Variants in MRTFB observed in about 807,000 individuals in gnomAD.
MRTFB encodes myocardin-related transcription factor B.
MRTFB carries 29 observed loss-of-function variants against 104.2 expected under a neutral mutation model. That is an observed-to-expected ratio of 0.28 (90% CI 0.21 to 0.38). The LOEUF (loss-of-function observed/expected upper bound fraction) is 0.38. Ranked by LOEUF, MRTFB falls within the 10% of genes least tolerant of loss-of-function variation. The probability of loss-of-function intolerance (pLI) is 1.00; values close to 1 mark genes in which losing one functional copy is unlikely to be tolerated. For synonymous variants in MRTFB, 535 were observed against 519.5 expected, an observed-to-expected ratio of 1.03 and a Z score of -0.41; for missense variants, 1,270 against 1,341.6, an observed-to-expected ratio of 0.95 and a Z score of 0.83.
At chr16:14,232,507 T>C (rs575169656) in intron 8 of MRTFB, among the ~76,000 whole-genome samples, 2 of 152,326 alleles carry the variant, frequency 1.3e-5, no homozygotes, top group Non-Finnish European at 2.9e-5. Context: ...AGATGAGCCC[T>C]TTCCCTTCAT....
intron 3 of MRTFB, chr16:14,149,574 C>T (rs768465308): frequency 1.6e-4 from 24 of 152,236 alleles, no homozygotes; most frequent in Admixed American, 1.3e-4. Flanking sequence ...CAGAATACTC[C>T]GCTCTCCCAA....
intron 8 of MRTFB, among the ~76,000 whole-genome samples, chr16:14,220,275 A>C (rs1479057066): frequency 6.6e-6 from 1 of 152,220 alleles, no homozygotes; most frequent in African/African-American, 2.4e-5. Context: ...TCAAGTATGC[A>C]AGTAGATACC....
chr16:14,004,467 G>A, the MRTFB span, among the ~76,000 whole-genome samples: 1 of 152,196 alleles, frequency 6.6e-6, no homozygotes, highest in Non-Finnish European at 1.5e-5. Context: ...TGGAAGTGGC[G>A]TAAAGAAGGC....
chr16:14,140,864 C>G (rs1488218703), intron 3 of MRTFB, 104 bp downstream of exon 3: 1 of 1,342,476 alleles, frequency 7.4e-7, no homozygotes, highest in Non-Finnish European at 1.0e-6. Context: ...GTTCAGCAGT[C>G]TGTCATGGAG....
chr16:14,121,774 T>A (rs1233216506), intron 2 of MRTFB, among the ~76,000 whole-genome samples: 2 of 152,232 alleles, frequency 1.3e-5, no homozygotes, highest in Admixed American at 1.3e-4. Flanking sequence ...CATAGAGTTT[T>A]CTGCAATGAT....
chr16:14,016,157 G>A, the MRTFB span: 7,949 of 394,308 alleles, frequency 0.02, 129 homozygotes, highest in Non-Finnish European at 0.027. Context: ...TGACTCATAG[G>A]AATGCTGTTA....
the MRTFB span, among the ~76,000 whole-genome samples, chr16:14,002,692 G>A: frequency 2.6e-5 from 4 of 152,114 alleles, no homozygotes; most frequent in South Asian, 2.1e-4. Context: ...CCCCAAGCCT[G>A]CAGGAGAGAT....
At chr16:14,075,454 G>A (rs528233875) in intron 1 of MRTFB, among the ~76,000 whole-genome samples, 5 of 152,366 alleles carry the variant, frequency 3.3e-5, no homozygotes, top group East Asian at 1.9e-4. Flanking sequence ...GGCAATGCAC[G>A]TGAACATATA....
chr16:14,186,049 G>A (rs1236866799), intron 3 of MRTFB, among the ~76,000 whole-genome samples: 1 of 152,114 alleles, frequency 6.6e-6, no homozygotes, highest in Non-Finnish European at 1.5e-5. Flanking sequence ...TTAATGCATG[G>A]GGGGAGAATT....
At chr16:14,181,863 T>C (rs4500749) in intron 3 of MRTFB, among the ~76,000 whole-genome samples, 17,219 of 152,222 alleles carry the variant, frequency 0.11, 2,232 homozygotes, top group African/African-American at 0.32. Context: ...CTCTAAGCCA[T>C]ACAGTTTTTC....
intron 11 of MRTFB, among the ~76,000 whole-genome samples, chr16:14,246,007 A>G (rs963670743): frequency 2.0e-5 from 3 of 152,108 alleles, no homozygotes; most frequent in South Asian, 2.1e-4. Context: ...TTAGGTTTCT[A>G]CCACAGCTCA....
chr16:14,132,871 A>G (rs986216169), intron 2 of MRTFB, among the ~76,000 whole-genome samples: 1 of 152,178 alleles, frequency 6.6e-6, no homozygotes, highest in African/African-American at 2.4e-5. Flanking sequence ...TGTTCTGACT[A>G]ACTGAGTTGT....
chr16:14,077,315 A>G (rs1481093031), intron 1 of MRTFB, among the ~76,000 whole-genome samples: 2 of 152,004 alleles, frequency 1.3e-5, no homozygotes, highest in East Asian at 3.9e-4. Flanking sequence ...TCCTTTTTCC[A>G]TGTGGCCACC....
intron 3 of MRTFB, among the ~76,000 whole-genome samples, chr16:14,178,031 T>C (rs191775446): frequency 1.3e-5 from 2 of 151,750 alleles, no homozygotes; most frequent in East Asian, 3.9e-4. Context: ...GTCCAAATCT[T>C]AGGAGATTAG....
the MRTFB span, among the ~76,000 whole-genome samples, chr16:14,017,714 T>A: frequency 0.031 from 659 of 21,498 alleles, 73 homozygotes; most frequent in Non-Finnish European, 0.06. Flanking sequence ...TATATATATT[T>A]TTTTTTTTTT....
chr16:14,250,101 ATAAGG>A (rs2043194443), intron 13 of MRTFB, among the ~76,000 whole-genome samples: 1 of 152,368 alleles, frequency 6.6e-6, no homozygotes, highest in South Asian at 2.1e-4. Flanking sequence ...GATAGGATAA[ATAAGG>A]GCTTTTTCAC....
At chr16:14,098,268 T>C (rs2035504583) in intron 2 of MRTFB, among the ~76,000 whole-genome samples, 1 of 152,226 alleles carries the variant, frequency 6.6e-6, no homozygotes, top group East Asian at 1.9e-4. Flanking sequence ...TTTCACATTA[T>C]TCATTCTAAT....
At chr16:14,107,436 T>C (rs1452137386) in intron 2 of MRTFB, among the ~76,000 whole-genome samples, 1 of 152,170 alleles carries the variant, frequency 6.6e-6, no homozygotes, top group African/African-American at 2.4e-5. Context: ...ACCACACATC[T>C]GTCATTTTCA....
At chr16:14,033,262 T>C in the MRTFB span, among the ~76,000 whole-genome samples, 1 of 151,640 alleles carries the variant, frequency 6.6e-6, no homozygotes, top group Non-Finnish European at 1.5e-5. Context: ...AAAAAAAACA[T>C]AGGTCGGGTG....
Sources: allele counts gnomAD v4.1 joint callset (sites outside exome capture counted in the v4.1 genomes callset), GRCh38; gene constraint gnomAD v4.1.1; transcripts MANE v1.5; gene names NCBI Gene and HGNC (gene_info 2026-07-23, HGNC 2026-07-21).